The following TPST1 variants were observed in gnomAD, a reference collection of about 807,000 sequenced individuals.
TPST1 encodes the protein protein-tyrosine sulfotransferase 1.
In TPST1, 20 loss-of-function variants were observed where a neutral mutation model predicts 34.8. The ratio of observed to expected loss-of-function variants is 0.57; its 90% CI spans 0.40 to 0.84. The LOEUF (loss-of-function observed/expected upper bound fraction) is 0.84. Ranked by LOEUF, TPST1 falls within the 40% of genes least tolerant of loss-of-function variation. TPST1 has a pLI of 0.00. For missense variants in TPST1, 353 were observed against 455.5 expected, an observed-to-expected ratio of 0.78 and a Z score of 2.05; for synonymous variants, 152 against 159.4, an observed-to-expected ratio of 0.95 and a Z score of 0.35.
intron 3 of TPST1, among the ~76,000 whole-genome samples, chr7:66,286,943 C>T (rs867380982): frequency 1.1e-4 from 15 of 139,068 alleles, no homozygotes; most frequent in Admixed American, 4.4e-4. Flanking sequence ...CATGCTGGTG[C>T]GCTGCACCCA....
intron 2 of TPST1, among the ~76,000 whole-genome samples, chr7:66,285,408 G>A (rs967802006): frequency 6.6e-6 from 1 of 152,140 alleles, no homozygotes; most frequent in African/African-American, 2.4e-5. Context: ...GGGTTAAGTG[G>A]AGTCCTGGAG....
chr7:66,296,253 C>CG (rs1791192573), intron 3 of TPST1, among the ~76,000 whole-genome samples: 3 of 36,468 alleles, frequency 8.2e-5, no homozygotes, highest in Non-Finnish European at 1.5e-4. Context: ...CCCTTCCCCC[C>CG]CCCCTCCCCC....
chr7:66,226,259 T>C (rs6460282), intron 1 of TPST1, among the ~76,000 whole-genome samples: 100,817 of 151,904 alleles, frequency 0.66, 33,870 homozygotes, highest in African/African-American at 0.76. Flanking sequence ...TGGTAGAGGA[T>C]GGGACATAGG....
At chr7:66,213,551 C>A (rs1789311137) in intron 1 of TPST1, among the ~76,000 whole-genome samples, 1 of 151,968 alleles carries the variant, frequency 6.6e-6, no homozygotes. Flanking sequence ...GTCGGGAGAT[C>A]GAGACCATCC....
At chr7:66,254,777 T>C (rs1790348828) in intron 2 of TPST1, among the ~76,000 whole-genome samples, 1 of 152,248 alleles carries the variant, frequency 6.6e-6, no homozygotes, top group Non-Finnish European at 1.5e-5. Flanking sequence ...TGTATATCTA[T>C]ATCCCGCAGC....
At chr7:66,314,332 C>T (rs1791591713) in intron 3 of TPST1, among the ~76,000 whole-genome samples, 1 of 152,156 alleles carries the variant, frequency 6.6e-6, no homozygotes, top group Non-Finnish European at 1.5e-5. Flanking sequence ...CCCAGGAACT[C>T]AAGACCAGCC....
intron 2 of TPST1, among the ~76,000 whole-genome samples, chr7:66,259,342 C>T (rs1230112699): frequency 6.6e-6 from 1 of 152,132 alleles, no homozygotes; most frequent in Non-Finnish European, 1.5e-5. Context: ...TCCTTATTAT[C>T]ATTTTCAATC....
intron 4 of TPST1, among the ~76,000 whole-genome samples, chr7:66,355,474 C>CAA (rs200654978): frequency 2.3e-5 from 3 of 129,460 alleles, no homozygotes; most frequent in South Asian, 2.5e-4. Context: ...GACTCCCTCT[C>CAA]AAAAAAAAAA....
upstream of TPST1, among the ~76,000 whole-genome samples, chr7:66,201,153 T>C (rs545121676): frequency 2.6e-5 from 4 of 151,946 alleles, no homozygotes; most frequent in Admixed American, 6.6e-5. Context: ...CACAGAGGAA[T>C]AGAAATGTGG....
chr7:66,264,763 A>T (rs765492607), intron 2 of TPST1, among the ~76,000 whole-genome samples: 2 of 152,234 alleles, frequency 1.3e-5, no homozygotes, highest in Non-Finnish European at 2.9e-5. Flanking sequence ...AGTGTAAGAT[A>T]TGAAACACAA....
chr7:66,244,419 C>A (rs1790106668), intron 2 of TPST1, among the ~76,000 whole-genome samples: 1 of 152,094 alleles, frequency 6.6e-6, no homozygotes, highest in Admixed American at 6.6e-5. Context: ...CACAGTTCTG[C>A]CTCTTATCTT....
At chr7:66,271,250 C>G (rs1790698158) in intron 2 of TPST1, among the ~76,000 whole-genome samples, 1 of 152,086 alleles carries the variant, frequency 6.6e-6, no homozygotes, top group African/African-American at 2.4e-5. Flanking sequence ...TCCTTGCTAC[C>G]TGGTATGATA....
intron 3 of TPST1, among the ~76,000 whole-genome samples, chr7:66,320,233 TTTTTTC>T (rs1433625772): frequency 1.1e-4 from 16 of 151,420 alleles, no homozygotes; most frequent in African/African-American, 3.6e-4. Flanking sequence ...CTTTCTTTCT[TTTTTTC>T]TTTTTCTTTT....
chr7:66,348,852 G>A (rs927601601), intron 3 of TPST1, among the ~76,000 whole-genome samples: 6 of 152,110 alleles, frequency 3.9e-5, no homozygotes, highest in African/African-American at 9.7e-5. Flanking sequence ...GCTGCCCACT[G>A]AATTTTTGCG....
chr7:66,357,852 A>G (rs977037947), intron 5 of TPST1, among the ~76,000 whole-genome samples: 4 of 152,094 alleles, frequency 2.6e-5, no homozygotes, highest in Admixed American at 6.5e-5. Flanking sequence ...TTGGGAGGCC[A>G]AGGTGGGCAG....
rs151032679 is a variant in TPST1 at position 66,231,852 on chromosome 7, C to T, written c.-101-8473C>T. The stretch of plus-strand genomic sequence containing the variant: ...AAAGTGGGAGCCCAGGCAGAGGAGG[C>T]GCCCAGAGCGAGCAAGGGCTGTGAG... On this transcript the variant is annotated intron_variant, in intron 1 of 5. Transcript: ENST00000304842. Among the ~76,000 whole-genome samples the T allele has an allele frequency of 2.4e-3, 359 of 152,380 alleles. 2 individuals carry two copies. Among genetic ancestry groups the T allele is most frequent in the African/African-American group, 7.9e-3 (330 of 41,600 alleles).
chr7:66,208,649 AG>A (rs1789182178), intron 1 of TPST1, among the ~76,000 whole-genome samples: 1 of 151,800 alleles, frequency 6.6e-6, no homozygotes, highest in African/African-American at 2.4e-5. Flanking sequence ...TTGTATTTTT[AG>A]TAGAGACAGG....
chr7:66,343,906 A>G (rs774285713), intron 3 of TPST1, among the ~76,000 whole-genome samples: 7 of 152,238 alleles, frequency 4.6e-5, no homozygotes, highest in African/African-American at 1.7e-4. Flanking sequence ...TGGGTAACAT[A>G]AGCAGACAAT....
intron 3 of TPST1, among the ~76,000 whole-genome samples, chr7:66,320,904 A>T (rs1331821723): frequency 6.6e-6 from 1 of 152,082 alleles, no homozygotes; most frequent in African/African-American, 2.4e-5. Context: ...GGCCTTGTTC[A>T]TTTTTGTTAT....
Sources: allele counts gnomAD v4.1 joint callset (sites outside exome capture counted in the v4.1 genomes callset), GRCh38; gene constraint gnomAD v4.1.1; transcripts MANE v1.5; gene names NCBI Gene and HGNC (gene_info 2026-07-23, HGNC 2026-07-21).